FMNL2: variants seen among roughly 807,000 people sequenced by gnomAD.
FMNL2 encodes formin-like protein 2.
In FMNL2, 51 loss-of-function variants were observed where a neutral mutation model predicts 130.2. The observed-to-expected ratio is 0.39, with a 90% CI of 0.31 to 0.49. The LOEUF (loss-of-function observed/expected upper bound fraction) is 0.49, where lower values mean the gene tolerates loss of function less well. FMNL2 is among the 20% of genes least tolerant of loss of function. The pLI, the probability that FMNL2 is intolerant of heterozygous loss-of-function variation, is 0.85. For missense variants in FMNL2, 977 were observed against 1,316.2 expected (o/e 0.74, Z 3.99); for synonymous variants, 465 against 467.1 (o/e 1.00, Z 0.06).
At chr2:152,634,765 T>G (rs1432985944) in intron 21 of FMNL2, among the ~76,000 whole-genome samples, 2 of 152,218 alleles carry the variant, frequency 1.3e-5, no homozygotes, top group Non-Finnish European at 2.9e-5. Context: ...CGTGGAGAAC[T>G]GGACCCTTTC....
rs140955086 is a variant in FMNL2, at chr2:152,462,127, T to C, written c.118-59816T>C. Among the ~76,000 whole-genome samples the C allele has an allele frequency of 5.1e-3, 773 of 152,208 alleles. 2 individuals are homozygous for C. Among genetic ancestry groups the C allele is most frequent in the Middle Eastern group, 0.017 (5 of 294 alleles). ...ATCCTCCTGCCTCAACCTCCCAAAG[T>C]GTTGGGATTACATGTGGGAGCCCTT... On this transcript the variant is annotated intron_variant, in intron 1 of 25. Coordinates refer to ENST00000288670, the MANE Select transcript of FMNL2 (RefSeq NM_052905.4).
At chr2:152,390,100 A>C (rs931047571) in intron 1 of FMNL2, 4 of 1,427,774 alleles carry the variant, frequency 2.8e-6, no homozygotes. Context: ...GAAGATGAGG[A>C]GGACAAAGGA....
intron 25 of FMNL2, among the ~76,000 whole-genome samples, chr2:152,642,768 G>A (rs1235582792): frequency 1.3e-5 from 2 of 152,208 alleles, no homozygotes; most frequent in Non-Finnish European, 2.9e-5. Flanking sequence ...AGCACTTTGG[G>A]AGGGTGAGGC....
chr2:152,465,113 C>T (rs561787645), intron 1 of FMNL2, among the ~76,000 whole-genome samples: 1 of 152,216 alleles, frequency 6.6e-6, no homozygotes, highest in African/African-American at 2.4e-5. Flanking sequence ...CATAGCCCTG[C>T]GCAAGTAGTG....
intron 1 of FMNL2, among the ~76,000 whole-genome samples, chr2:152,415,698 A>C (rs1056637773): frequency 6.6e-6 from 1 of 152,224 alleles, no homozygotes; most frequent in African/African-American, 2.4e-5. Context: ...GTTTGTTCCA[A>C]ATAAGCCAGT....
At chr2:152,628,754 A>G (rs1342201765) in intron 18 of FMNL2, among the ~76,000 whole-genome samples, 1 of 152,196 alleles carries the variant, frequency 6.6e-6, no homozygotes, top group African/African-American at 2.4e-5. Context: ...CATTCTTCCG[A>G]AAGAATGCCA....
At chr2:152,436,228 C>T (rs1450035108) in intron 1 of FMNL2, among the ~76,000 whole-genome samples, 1 of 151,820 alleles carries the variant, frequency 6.6e-6, no homozygotes, top group Non-Finnish European at 1.5e-5. Context: ...TGCAGTGGCA[C>T]TATCTTGGCT....
At chr2:152,587,890 G>C (rs6751924) in intron 9 of FMNL2, among the ~76,000 whole-genome samples, 80,074 of 152,068 alleles carry the variant, frequency 0.53, 22,150 homozygotes, top group Non-Finnish European at 0.62. Flanking sequence ...TAAATACTTC[G>C]ACAGTTGTAA....
intron 1 of FMNL2, among the ~76,000 whole-genome samples, chr2:152,443,858 A>T (rs1321370428): frequency 6.6e-5 from 10 of 151,956 alleles, no homozygotes; most frequent in Non-Finnish European, 1.3e-4. Context: ...AGAAAAAAAG[A>T]AAAAAAAGGA....
At chr2:152,418,908 C>G (rs1364451124) in intron 1 of FMNL2, among the ~76,000 whole-genome samples, 1 of 151,396 alleles carries the variant, frequency 6.6e-6, no homozygotes, top group East Asian at 1.9e-4. Flanking sequence ...TCTGCTGCAC[C>G]CTAGCAATGC....
At chr2:152,591,613 A>G (rs1301247926) in intron 9 of FMNL2, among the ~76,000 whole-genome samples, 1 of 152,216 alleles carries the variant, frequency 6.6e-6, no homozygotes, top group Non-Finnish European at 1.5e-5. Context: ...CACAATTAGC[A>G]TGAGCAACAT....
intron 25 of FMNL2, among the ~76,000 whole-genome samples, chr2:152,644,463 C>T (rs1463657514): frequency 1.3e-5 from 2 of 152,122 alleles, no homozygotes; most frequent in East Asian, 1.9e-4. Context: ...TGATGGAACT[C>T]GTAATATGAG....
chr2:152,647,982 A>T lies in FMNL2; in HGVS notation c.*77A>T. ...CATGAACTTTATGTGCTACGATTTA[A>T]CTGCAGCCTTGAACACACACAAAAA... is the stretch of plus-strand genomic sequence containing the variant. On this transcript the variant is annotated 3_prime_UTR_variant, in exon 26 of 26. Transcript: ENST00000288670. The T allele has an allele frequency of 8.2e-7, 1 of 1,217,416 alleles. No homozygotes were observed. Among genetic ancestry groups the T allele is most frequent in the South Asian group, 1.4e-5 (1 of 70,684 alleles). The allele number at this position is 1,217,416 out of a possible 1,614,324, so 75.4% of individuals were successfully genotyped here.
chr2:152,601,667 C>CTTT lies in FMNL2; in HGVS notation c.877-5671_877-5669dup, dbSNP rs36031692. Among the ~76,000 whole-genome samples the CTTT allele has an allele frequency of 2.2e-4, 29 of 132,228 alleles. 2 individuals carry two copies. Among genetic ancestry groups the CTTT allele is most frequent in the African/African-American group, 5.6e-4 (18 of 32,288 alleles). 86.7% of individuals were successfully genotyped at this position (132,228 alleles called of 152,430 possible). On this transcript the variant is annotated intron_variant, in intron 9 of 25. Coordinates refer to ENST00000288670, the MANE Select transcript of FMNL2 (RefSeq NM_052905.4). Reference sequence around the variant, plus strand: ...CTAAGGCTCTCTTTTCTTTTCTTTTCTTTCTTTTTTTTTTTTTTTTGAGAC... The same window carrying CTTT: ...CTAAGGCTCTCTTTTCTTTTCTTTTCTTTTTTCTTTTTTTTTTTTTTTTGAGAC...
chr2:152,456,974 C>CT (rs896065376), intron 1 of FMNL2, among the ~76,000 whole-genome samples: 18 of 151,730 alleles, frequency 1.2e-4, no homozygotes, highest in African/African-American at 4.4e-4. Context: ...AAGGAATCCC[C>CT]TTTGGGGGAG....
chr2:152,388,420 A>G (rs1045502977), intron 1 of FMNL2, among the ~76,000 whole-genome samples: 1 of 152,176 alleles, frequency 6.6e-6, no homozygotes, highest in African/African-American at 2.4e-5. Flanking sequence ...AGCAAGGAGA[A>G]GTATGAACGG....
intron 4 of FMNL2, among the ~76,000 whole-genome samples, chr2:152,552,190 T>TA (rs1166676752): frequency 3.3e-5 from 5 of 152,238 alleles, no homozygotes; most frequent in Non-Finnish European, 7.3e-5. Flanking sequence ...TGTAAATTCC[T>TA]AATAAAGGGT....
chr2:152,611,078 T>A (rs772859262), intron 10 of FMNL2, among the ~76,000 whole-genome samples: 1 of 152,358 alleles, frequency 6.6e-6, no homozygotes, highest in Admixed American at 6.5e-5. Flanking sequence ...CAGTGGGTCA[T>A]GCCTGTAATC....
At chr2:152,425,658 T>G (rs919883388) in intron 1 of FMNL2, among the ~76,000 whole-genome samples, 3 of 152,230 alleles carry the variant, frequency 2.0e-5, no homozygotes, top group African/African-American at 7.2e-5. Flanking sequence ...AGTTCTACAG[T>G]CGTGTTTATA....
Sources: gnomAD v4.1 joint callset for allele counts (sites outside exome capture counted in the v4.1 genomes callset) on GRCh38, gnomAD v4.1.1 for gene constraint, MANE v1.5 for transcripts, NCBI Gene and HGNC (gene_info 2026-07-23, HGNC 2026-07-21) for gene names.